Variants in PCDHGA3 observed in about 807,000 individuals in gnomAD.
PCDHGA3 encodes the protein protocadherin gamma subfamily A, 3, also known as protocadherin gamma-A3.
PCDHGA3 carries 40 observed loss-of-function variants against 58.5 expected under a neutral mutation model. That is an observed-to-expected ratio of 0.68 (90% CI 0.53 to 0.89). The LOEUF is 0.89. PCDHGA3 is among the 40% of genes least tolerant of loss of function. The probability of loss-of-function intolerance (pLI) is 0.00; values close to 1 mark genes in which losing one functional copy is unlikely to be tolerated. For synonymous variants in PCDHGA3, 530 were observed against 525.7 expected, an observed-to-expected ratio of 1.01 and a Z score of -0.11; for missense variants, 1,223 against 1,195.9, an observed-to-expected ratio of 1.02 and a Z score of -0.33.
At chr5:141,390,163 C>T (rs376391116) in intron 1 of PCDHGA3, 27 of 1,613,874 alleles carry the variant, frequency 1.7e-5, no homozygotes, top group African/African-American at 2.7e-5. Flanking sequence ...ACAGGAAAGA[C>T]GGAGTTTAAT....
intron 2 of PCDHGA3, among the ~76,000 whole-genome samples, chr5:141,500,431 G>A (rs1340129330): frequency 6.6e-6 from 1 of 151,476 alleles, no homozygotes; most frequent in Non-Finnish European, 1.5e-5. Flanking sequence ...GGATGGTCTC[G>A]ATCTCCTGAC....
At chr5:141,421,520 A>G (rs749034718) in intron 1 of PCDHGA3, 2 of 1,614,068 alleles carry the variant, frequency 1.2e-6, no homozygotes, top group Non-Finnish European at 8.5e-7. Flanking sequence ...GAGCTCTGTG[A>G]GACGGTGTCC....
At chr5:141,376,675 C>CCTTTTTTTT (rs1561575046) in intron 1 of PCDHGA3, 1 of 343,980 alleles carries the variant, frequency 2.9e-6, no homozygotes. Context: ...GTGAGGGTAT[C>CCTTTTTTTT]GTTTTTTTTT....
chr5:141,413,400 G>A (rs1328176117), intron 1 of PCDHGA3: 4 of 1,614,060 alleles, frequency 2.5e-6, no homozygotes, highest in Non-Finnish European at 2.5e-6. Context: ...CCAGAGGTAG[G>A]ACGCAGCTTT....
At chr5:141,350,903 G>T in intron 1 of PCDHGA3, 2 of 1,614,070 alleles carry the variant, frequency 1.2e-6, no homozygotes, top group East Asian at 4.5e-5. Context: ...CATGGATGGC[G>T]GGGACCCGCC....
Position 141,345,490 on chromosome 5 carries a change from G to A in PCDHGA3, c.1457G>A (p.Arg486His), listed in dbSNP as rs566166959. ...GACCCAGATAGCAACAACAACGCCC[G>A]CATCACTTATGCATTGACCGAGGAC... ...AQDPDSNNNA[R>H]ITYALTEDTL... The change falls in exon 1 of 4, where the codon CGC becomes CAC. Residue 486 changes from arginine to histidine, a missense_variant. Physicochemically the swap from Arg to His is conservative, Grantham distance 29. Coordinates refer to ENST00000253812, the MANE Select transcript of PCDHGA3 (RefSeq NM_018916.4). The A allele has an allele frequency of 7.4e-5, 119 of 1,614,020 alleles. 3 individuals carry two copies. In the South Asian group the frequency reaches 1.2e-3, roughly 16 times the overall value.
chr5:141,433,328 G>C, intron 1 of PCDHGA3: 1 of 724,580 alleles, frequency 1.4e-6, no homozygotes, highest in Non-Finnish European at 2.3e-6. Context: ...GGTGTAACAG[G>C]GACTACAGGT....
At chr5:141,393,337 A>G (rs556749112) in intron 1 of PCDHGA3, 28 of 1,613,772 alleles carry the variant, frequency 1.7e-5, no homozygotes, top group African/African-American at 5.3e-5. Flanking sequence ...CTCAGCCCCA[A>G]TCACCACTTC....
chr5:141,432,575 T>TACC lies in PCDHGA3; in HGVS notation c.2425-62231_2425-62229dup, dbSNP rs1044250629. 6.2e-7 allele frequency: 1 copy of TACC among 1,613,326 alleles called. No individual in the cohort carries two copies. The highest frequency in any genetic ancestry group is 1.3e-5 in the African/African-American group (1 of 74,718). ...CTCCGGCCAGAACGCCTGGCTGTCC[T>TACC]ACCGTCTGCTCAAGGCCAGCGAGCC... On this transcript the variant is annotated intron_variant, in intron 1 of 3. Transcript: ENST00000253812. This position sits in a 1 kb window ranked among gnomAD's most constrained non-coding sequence, Gnocchi z 6.0.
chr5:141,478,164 C>A (rs202185809), intron 1 of PCDHGA3: 2 of 1,614,010 alleles, frequency 1.2e-6, no homozygotes, highest in African/African-American at 1.3e-5. Context: ...GGCTCTGCCC[C>A]CCGGGAGCAG....
chr5:141,371,551 TA>T, intron 1 of PCDHGA3: 1 of 1,613,822 alleles, frequency 6.2e-7, no homozygotes, highest in Non-Finnish European at 8.5e-7. Flanking sequence ...CTATGCCAAC[TA>T]AAAGGAAACT....
chr5:141,415,210 C>G lies in PCDHGA3; in HGVS notation c.2424+68753C>G, dbSNP rs2095843973. The G allele has an allele frequency of 2.5e-6, 4 of 1,614,068 alleles. No individual in the cohort carries two copies. The highest frequency in any genetic ancestry group is 1.6e-4 in the Middle Eastern group (1 of 6,062). ...CAGCATCCCCCAAGTCCTGGCGGAC[C>G]TCGGCAGCTTCGAGTCTCCAGCTAA... is the stretch of plus-strand genomic sequence containing the variant. On this transcript the variant is annotated intron_variant, in intron 1 of 3. Coordinates refer to ENST00000253812, the MANE Select transcript of PCDHGA3 (RefSeq NM_018916.4).
At chr5:141,392,107 C>T (rs1289551398) in intron 1 of PCDHGA3, 1 of 152,168 alleles carries the variant, frequency 6.6e-6, no homozygotes, top group Non-Finnish European at 1.5e-5. Flanking sequence ...AAAGCAACAA[C>T]TCTATAGAAA....
At chr5:141,441,871 G>A (rs1020432020) in intron 1 of PCDHGA3, 3 of 340,480 alleles carry the variant, frequency 8.8e-6, no homozygotes, top group Admixed American at 8.1e-5. Context: ...CGCGGAGCCT[G>A]GCTACCTGGT....
chr5:141,477,861 G>T lies in PCDHGA3; in HGVS notation c.2425-16946G>T. 6.2e-7 allele frequency: 1 copy of T among 1,612,714 alleles called. No homozygotes were observed. Among genetic ancestry groups the T allele is most frequent in the Non-Finnish European group, 8.5e-7 (1 of 1,179,590 alleles). ...GGGAGCTCGGTGGAGATGCTGCCTC[G>T]AGGTACCTCAGCTGGCCACCTAGTG... On this transcript the variant is annotated intron_variant, in intron 1 of 3. Coordinates refer to ENST00000253812, the MANE Select transcript of PCDHGA3 (RefSeq NM_018916.4). This position sits in a 1 kb window ranked among gnomAD's most constrained non-coding sequence, Gnocchi z 4.9.
At chr5:141,372,060 A>T in intron 1 of PCDHGA3, 1 of 1,613,540 alleles carries the variant, frequency 6.2e-7, no homozygotes, top group East Asian at 2.2e-5. Flanking sequence ...GGACGACCGC[A>T]ACGACAATGC....
At position 141,490,960 on chromosome 5, in the gene PCDHGA3, T is replaced by G. The variant is rs1384140919; in HGVS notation, c.2425-3847T>G. 1.9e-6 allele frequency: 3 copies of G among 1,613,794 alleles called. No individual in the cohort carries two copies. In the Admixed American group the frequency reaches 5.0e-5, roughly 27 times the overall value. On this transcript the variant is annotated intron_variant, in intron 1 of 3. Transcript: ENST00000253812. The surrounding 1 kb of genome is among the most constrained non-coding windows in gnomAD (Gnocchi z 5.4). ...GCACCCACGGCCAGACTGGGAACAC[T>G]CAGCCCCCCAGCGTCTCCCTCGCTC...
chr5:141,467,710 G>A (rs1284029664), intron 1 of PCDHGA3, among the ~76,000 whole-genome samples: 1 of 152,122 alleles, frequency 6.6e-6, no homozygotes, highest in Non-Finnish European at 1.5e-5. Context: ...TGCCCAGGCT[G>A]GAGTGTAGTG....
At chr5:141,394,742 G>A (rs752402821) in intron 1 of PCDHGA3, 5 of 1,613,300 alleles carry the variant, frequency 3.1e-6, no homozygotes, top group African/African-American at 1.3e-5. Flanking sequence ...AGAGCCTCGT[G>A]GTGGCCGTCC....
Sources: allele counts gnomAD v4.1 joint callset (sites outside exome capture counted in the v4.1 genomes callset), GRCh38; gene constraint gnomAD v4.1.1; non-coding constraint Gnocchi (gnomAD v3.1); transcripts MANE v1.5; gene names NCBI Gene and HGNC (gene_info 2026-07-23, HGNC 2026-07-21).